The following RAB28 variants were observed in gnomAD, a reference collection of about 807,000 sequenced individuals.
RAB28 encodes RAB28, member RAS oncogene family.
A neutral mutation model predicts 31.7 loss-of-function variants in RAB28; 24 were observed. The observed-to-expected ratio is 0.76, with a 90% CI of 0.55 to 1.06. The LOEUF (loss-of-function observed/expected upper bound fraction) is 1.06, where lower values mean the gene tolerates loss of function less well. Among genes scored for constraint, RAB28 ranks in the 50% least tolerant of loss-of-function variants. The pLI, the probability that RAB28 is intolerant of heterozygous loss-of-function variation, is 0.00. For synonymous variants in RAB28, 100 were observed against 90.4 expected (o/e 1.11, Z -0.60); for missense variants, 254 against 258.5 (o/e 0.98, Z 0.12).
At chr4:13,461,992 G>A (rs1418944342) in intron 3 of RAB28, among the ~76,000 whole-genome samples, 2 of 152,194 alleles carry the variant, frequency 1.3e-5, no homozygotes, top group Non-Finnish European at 2.9e-5. Context: ...AAGTGATGGA[G>A]CCAGTATTTG....
At chr4:13,457,610 A>G (rs1019737707) in intron 4 of RAB28, among the ~76,000 whole-genome samples, 4 of 149,064 alleles carry the variant, frequency 2.7e-5, no homozygotes, top group Admixed American at 6.6e-5. Flanking sequence ...AAAAAAGAAA[A>G]AAGAAAAAAA....
chr4:13,481,862 A>T (rs1374585020), intron 1 of RAB28, among the ~76,000 whole-genome samples: 1 of 152,166 alleles, frequency 6.6e-6, no homozygotes, highest in Non-Finnish European at 1.5e-5. Context: ...GAGTTAAATC[A>T]GGATACAAGT....
At chr4:13,408,021 T>C (rs546689261) in intron 4 of RAB28, among the ~76,000 whole-genome samples, 13 of 152,312 alleles carry the variant, frequency 8.5e-5, no homozygotes, top group South Asian at 4.1e-4. Context: ...TCTTGCCTGA[T>C]TGCCCTGGCC....
rs568415200 is a variant in RAB28 at position 13,400,258 on chromosome 4, T to C, written c.392-18664A>G. Among the ~76,000 whole-genome samples, 3 of 152,308 alleles carry C rather than the reference T, an allele frequency of 2.0e-5. No individual in the cohort carries two copies. The South Asian group carries it at 6.2e-4, about 32-fold the overall frequency. On this transcript the variant is annotated intron_variant, in intron 4 of 6. Transcript: ENST00000330852. ...TATAAAAGCTGTTGCTAGTAAGTCT[T>C]GATAACTGGCATGGCAAATGCTTCT...
intron 4 of RAB28, among the ~76,000 whole-genome samples, chr4:13,435,448 C>A (rs1365172867): frequency 6.6e-6 from 1 of 151,984 alleles, no homozygotes; most frequent in African/African-American, 2.4e-5. Context: ...AAAGTTGGTT[C>A]TTTGAAAAAA....
At position 13,439,409 on chromosome 4, in the gene RAB28, C is replaced by T. The variant is rs564296768; in HGVS notation, c.391+21290G>A. ...TCGCCCTGTCACCCAGGCTGGAGTG[C>T]AGAGGCACAATCTCGGCTCAACGCA... On this transcript the variant is annotated intron_variant, in intron 4 of 6. Coordinates refer to ENST00000330852, the MANE Select transcript of RAB28 (RefSeq NM_001017979.3). 2.0e-4 allele frequency among the ~76,000 whole-genome samples: 30 copies of T among 152,326 alleles called. 1 individual carries two copies. In the East Asian group the frequency reaches 4.8e-3, roughly 24 times the overall value.
chr4:13,456,112 A>G (rs1715285998), intron 4 of RAB28, among the ~76,000 whole-genome samples: 1 of 152,196 alleles, frequency 6.6e-6, no homozygotes, highest in Non-Finnish European at 1.5e-5. Flanking sequence ...TCAACCTTTC[A>G]GCAAATTTAC....
intron 4 of RAB28, among the ~76,000 whole-genome samples, chr4:13,400,321 C>G (rs1178450652): frequency 2.0e-5 from 3 of 152,128 alleles, no homozygotes; most frequent in Non-Finnish European, 2.9e-5. Context: ...TTCATCTTCC[C>G]TATACATTTT....
rs1392941400 is a variant in RAB28 at position 13,460,726 on chromosome 4, G to T, written c.364C>A (p.Pro122Thr). ...KKVSEESETQ[P>T]LVALVGNKID... Reference sequence around the variant, plus strand: ...TTATTGCCTACCAAGGCAACCAGTGGCTGAGTTTCTGACTCCTCGCTCACT... The same window carrying T: ...TTATTGCCTACCAAGGCAACCAGTGTCTGAGTTTCTGACTCCTCGCTCACT... Residue 122 changes from proline to threonine, a missense_variant, in exon 4 of 7, where the codon CCA becomes ACA. Transcript: ENST00000330852. The T allele has an allele frequency of 6.2e-7, 1 of 1,613,970 alleles. No homozygotes were observed. Among genetic ancestry groups the T allele is most frequent in the East Asian group, 2.2e-5 (1 of 44,878 alleles).
At chr4:13,389,662 C>T (rs1560272762) in intron 4 of RAB28, among the ~76,000 whole-genome samples, 1 of 152,070 alleles carries the variant, frequency 6.6e-6, no homozygotes, top group Non-Finnish European at 1.5e-5. Context: ...TATTTGAAGG[C>T]AAATTGAACA....
intron 3 of RAB28, among the ~76,000 whole-genome samples, chr4:13,470,182 A>G (rs1263256672): frequency 6.6e-6 from 1 of 152,148 alleles, no homozygotes; most frequent in African/African-American, 2.4e-5. Context: ...CTAATACGCA[A>G]GACAAATAAT....
chr4:13,401,559 T>C (rs1711761602), intron 4 of RAB28, among the ~76,000 whole-genome samples: 1 of 152,234 alleles, frequency 6.6e-6, no homozygotes, highest in African/African-American at 2.4e-5. Flanking sequence ...AATTTGTTCG[T>C]TTAATCTAAA....
chr4:13,390,917 A>T (rs192440347), intron 4 of RAB28, among the ~76,000 whole-genome samples: 1 of 152,226 alleles, frequency 6.6e-6, no homozygotes, highest in South Asian at 2.1e-4. Context: ...AGATGGATTA[A>T]AGACTTAAAT....
intron 5 of RAB28, among the ~76,000 whole-genome samples, chr4:13,379,749 T>A (rs1729056649): frequency 6.6e-6 from 1 of 152,058 alleles, no homozygotes; most frequent in Non-Finnish European, 1.5e-5. Flanking sequence ...TAAGGTGGCA[T>A]CAGGGAGAAA....
intron 4 of RAB28, among the ~76,000 whole-genome samples, chr4:13,383,874 C>G (rs1400871160): frequency 1.3e-5 from 2 of 152,210 alleles, no homozygotes; most frequent in Non-Finnish European, 2.9e-5. Flanking sequence ...TCCTGCCTAT[C>G]ACACAGGGCT....
chr4:13,376,862 C>T (rs1156940070), intron 5 of RAB28, among the ~76,000 whole-genome samples: 2 of 152,022 alleles, frequency 1.3e-5, no homozygotes, highest in African/African-American at 2.4e-5. Flanking sequence ...TTTCTCTAAA[C>T]ACACACATGA....
intron 4 of RAB28, among the ~76,000 whole-genome samples, chr4:13,443,448 A>C (rs1714525281): frequency 6.6e-6 from 1 of 152,202 alleles, no homozygotes; most frequent in East Asian, 1.9e-4. Flanking sequence ...CTGGGATTAC[A>C]GGCGTGAGCC....
At chr4:13,431,664 A>C (rs1237706472) in intron 4 of RAB28, among the ~76,000 whole-genome samples, 1 of 152,098 alleles carries the variant, frequency 6.6e-6, no homozygotes, top group East Asian at 1.9e-4. Context: ...CACCACACAG[A>C]AACTACCCAC....
At chr4:13,469,499 T>C (rs1440688334) in intron 3 of RAB28, among the ~76,000 whole-genome samples, 1 of 152,000 alleles carries the variant, frequency 6.6e-6, no homozygotes, top group Non-Finnish European at 1.5e-5. Flanking sequence ...TTTTATGCCT[T>C]AACTGCCTTC....
Sources: gnomAD v4.1 joint callset for allele counts (sites outside exome capture counted in the v4.1 genomes callset) on GRCh38, gnomAD v4.1.1 for gene constraint, MANE v1.5 for transcripts, NCBI Gene and HGNC (gene_info 2026-07-23, HGNC 2026-07-21) for gene names.